The following PHLPP2 variants were observed in gnomAD, a reference collection of about 807,000 sequenced individuals.
The protein encoded by PHLPP2 is PH domain leucine-rich repeat-containing protein phosphatase 2.
PHLPP2 carries 66 observed loss-of-function variants against 124.9 expected under a neutral mutation model. The observed-to-expected ratio is 0.53, with a 90% CI of 0.43 to 0.65. The LOEUF (loss-of-function observed/expected upper bound fraction) is 0.65. Ranked by LOEUF, PHLPP2 falls within the 30% of genes least tolerant of loss-of-function variation. The pLI, the probability that PHLPP2 is intolerant of heterozygous loss-of-function variation, is 0.00. For missense variants in PHLPP2, 1,685 were observed against 1,600.4 expected (o/e 1.05, Z -0.90); for synonymous variants, 681 against 624.7 (o/e 1.09, Z -1.34).
chr16:71,704,971 C>T (rs770368894), intron 2 of PHLPP2, among the ~76,000 whole-genome samples: 4 of 152,084 alleles, frequency 2.6e-5, no homozygotes, highest in African/African-American at 7.2e-5. Context: ...AATGTTCAGA[C>T]GGATTGGACT....
rs2044660421 is a variant in PHLPP2, at chr16:71,647,314, T to C, written c.*1576A>G. ...AGGGTTATGTGGAATGTGCAAAGAG[T>C]ATAGGTTTTCTGTAAGCTTAAGAAT... On this transcript the variant is annotated 3_prime_UTR_variant, in exon 19 of 19. Coordinates refer to ENST00000568954, the MANE Select transcript of PHLPP2 (RefSeq NM_015020.3). The C allele has an allele frequency of 6.6e-6, 1 of 152,318 alleles. No homozygotes were observed. Among genetic ancestry groups the C allele is most frequent in the African/African-American group, 2.4e-5 (1 of 41,320 alleles). 9.4% of individuals were successfully genotyped at this position (152,318 alleles called of 1,614,324 possible).
intron 2 of PHLPP2, among the ~76,000 whole-genome samples, chr16:71,705,837 G>A (rs2045270160): frequency 6.6e-6 from 1 of 152,168 alleles, no homozygotes; most frequent in Admixed American, 6.5e-5. Context: ...CCGTAAGAAA[G>A]TATTTTCTTT....
Position 71,723,722 on chromosome 16 carries a change from T to TGCCCGCTC in PHLPP2, c.-7+599_-7+606dup, listed in dbSNP as rs746332337. On this transcript the variant is annotated intron_variant, in intron 1 of 18. Coordinates refer to ENST00000568954, the MANE Select transcript of PHLPP2 (RefSeq NM_015020.3). ...TCCCTCGTTCCCTCCCTAGTCCGCTTGCCCGCTCGCCCGCTCGCTCGCTCG... is the reference window on the plus strand; with the variant it reads ...TCCCTCGTTCCCTCCCTAGTCCGCTTGCCCGCTCGCCCGCTCGCCCGCTCGCTCGCTCG... 51 of 953,716 alleles carry TGCCCGCTC rather than the reference T, an allele frequency of 5.3e-5. No individual in the cohort carries two copies. The African/African-American group carries it at 6.5e-4, about 12-fold the overall frequency. 59.1% of individuals were successfully genotyped at this position (953,716 alleles called of 1,614,324 possible).
intron 1 of PHLPP2, among the ~76,000 whole-genome samples, chr16:71,716,388 C>T (rs2045363041): frequency 6.6e-6 from 1 of 152,024 alleles, no homozygotes; most frequent in African/African-American, 2.4e-5. Context: ...CCATTCCTGC[C>T]CTGTTTCAAA....
chr16:71,665,875 A>T (rs2044835551), intron 12 of PHLPP2, among the ~76,000 whole-genome samples: 1 of 152,234 alleles, frequency 6.6e-6, no homozygotes, highest in East Asian at 1.9e-4. Flanking sequence ...TAGAATTTCC[A>T]AAGATTTTAT....
In PHLPP2 at chr16:71,685,508, T is replaced by C. The variant is rs969290462; in HGVS notation, c.610-907A>G. ...ATTAGGTTTCTGTGCCAACTGAAGA[T>C]TGAACCAAGCGGCAGAAACAAAATA... On this transcript the variant is annotated intron_variant, in intron 4 of 18. Coordinates refer to ENST00000568954, the MANE Select transcript of PHLPP2 (RefSeq NM_015020.3). Among the ~76,000 whole-genome samples the C allele has an allele frequency of 3.3e-5, 5 of 152,142 alleles. No individual in the cohort carries two copies. The East Asian group carries it at 9.6e-4, about 29-fold the overall frequency.
At chr16:71,714,958 G>T (rs766733297) in intron 1 of PHLPP2, 157 bp from the exon 2 acceptor site, 3 of 870,786 alleles carry the variant, frequency 3.4e-6, no homozygotes, top group Middle Eastern at 3.5e-4. Context: ...ATGCTCATTC[G>T]TAATAACTCA....
In PHLPP2 at chr16:71,673,032, T is replaced by G. The variant is rs1171899579; in HGVS notation, c.1472-710A>C. Among the ~76,000 whole-genome samples the G allele has an allele frequency of 2.0e-5, 3 of 152,254 alleles. No homozygotes were observed. The East Asian group carries it at 5.8e-4, about 29-fold the overall frequency. ...GATTTGTTTATACAGTTGCATATGA[T>G]TATAGCTCATTCATTCTCATGCCTG... On this transcript the variant is annotated intron_variant, in intron 9 of 18. Transcript: ENST00000568954.
chr16:71,675,147 T>C (rs1038291536), intron 9 of PHLPP2, among the ~76,000 whole-genome samples: 4 of 152,214 alleles, frequency 2.6e-5, no homozygotes, highest in African/African-American at 9.6e-5. Context: ...ACTGTCACAT[T>C]ACTCTCTGGG....
At chr16:71,671,570 T>G (rs1272259218) in intron 10 of PHLPP2, among the ~76,000 whole-genome samples, 2 of 151,756 alleles carry the variant, frequency 1.3e-5, no homozygotes, top group African/African-American at 4.8e-5. Flanking sequence ...CCTTCAAAAA[T>G]AAGACCAACA....
At chr16:71,717,585 A>C (rs1320765384) in intron 1 of PHLPP2, among the ~76,000 whole-genome samples, 1 of 152,220 alleles carries the variant, frequency 6.6e-6, no homozygotes, top group Non-Finnish European at 1.5e-5. Context: ...TATTTGTACT[A>C]AGTAATTTTA....
At chr16:71,696,964 C>T (rs985791555) in intron 3 of PHLPP2, among the ~76,000 whole-genome samples, 5 of 151,908 alleles carry the variant, frequency 3.3e-5, no homozygotes, top group African/African-American at 1.2e-4. Flanking sequence ...GACTTGAGGT[C>T]AGGAATTCGA....
At chr16:71,714,917 C>A in intron 1 of PHLPP2, 116 bp from the exon 2 acceptor site, 1 of 1,329,376 alleles carries the variant, frequency 7.5e-7, no homozygotes, top group Admixed American at 2.7e-5. Flanking sequence ...CTCAAGTATC[C>A]CCTCCTTTTG....
intron 2 of PHLPP2, among the ~76,000 whole-genome samples, chr16:71,711,184 A>G (rs1354637870): frequency 1.3e-5 from 2 of 152,148 alleles, no homozygotes; most frequent in Admixed American, 1.3e-4. Context: ...ACAGAAAATT[A>G]GCCAAGTGTG....
chr16:71,702,634 T>A lies in PHLPP2; in HGVS notation c.382A>T (p.Asn128Tyr), dbSNP rs765539706. Residue 128 changes from asparagine to tyrosine, a missense_variant, in exon 3 of 19, where the codon AAT becomes TAT. By Grantham distance (143) the Asn-to-Tyr change is moderately radical. Transcript: ENST00000568954. Reference protein sequence around the residue: ...DPVRIQEEATNPDLGCMIRFY... With the variant: ...DPVRIQEEATYPDLGCMIRFY... ...CGAATCATACAGCCGAGGTCAGGAT[T>A]TGTAGCCTCCTCCTGTATGCGCACA... is the stretch of plus-strand genomic sequence containing the variant. 4.3e-6 allele frequency: 7 copies of A among 1,611,210 alleles called. No individual in the cohort carries two copies. In the South Asian group the frequency reaches 7.7e-5, roughly 18 times the overall value.
intron 3 of PHLPP2, among the ~76,000 whole-genome samples, chr16:71,699,900 C>T (rs747677863): frequency 7.2e-5 from 11 of 152,214 alleles, no homozygotes; most frequent in Non-Finnish European, 1.6e-4. Context: ...CTCTCCTATG[C>T]GCTACATCCC....
intron 3 of PHLPP2, chr16:71,698,686 G>C: frequency 2.1e-6 from 1 of 475,602 alleles, no homozygotes; most frequent in South Asian, 1.9e-5. Flanking sequence ...AACTCAGTTG[G>C]CTTAACTGTC....
chr16:71,715,125 G>A (rs570124924), intron 1 of PHLPP2: 4 of 298,916 alleles, frequency 1.3e-5, no homozygotes, highest in South Asian at 1.3e-4. Context: ...GCCAAGGTAA[G>A]AGGACTGCTT....
chr16:71,709,643 T>C (rs918938032), intron 2 of PHLPP2, among the ~76,000 whole-genome samples: 5 of 152,156 alleles, frequency 3.3e-5, no homozygotes, highest in African/African-American at 7.2e-5. Flanking sequence ...CCAAATATTT[T>C]AATTGTAAGT....
Sources: gnomAD v4.1 joint callset for allele counts (sites outside exome capture counted in the v4.1 genomes callset) on GRCh38, gnomAD v4.1.1 for gene constraint, MANE v1.5 for transcripts, NCBI Gene and HGNC (gene_info 2026-07-23, HGNC 2026-07-21) for gene names.